The following FHIT variants were observed in gnomAD, a reference collection of about 807,000 sequenced individuals.
FHIT encodes the protein bis(5'-adenosyl)-triphosphatase.
FHIT carries 19 observed loss-of-function variants against 17.9 expected under a neutral mutation model. That is an observed-to-expected ratio of 1.06 (90% CI 0.74 to 1.56). The LOEUF is 1.56. FHIT is among the 40% of genes most tolerant of loss of function. FHIT has a pLI of 0.00. For missense variants in FHIT, 248 were observed against 189.2 expected (o/e 1.31, Z -1.82); for synonymous variants, 81 against 69.7 (o/e 1.16, Z -0.81).
intron 7 of FHIT, among the ~76,000 whole-genome samples, chr3:60,010,304 C>T (rs1700090954): frequency 6.6e-6 from 1 of 152,188 alleles, no homozygotes. Context: ...TCACCATACC[C>T]TGTGTGTAGA....
intron 5 of FHIT, among the ~76,000 whole-genome samples, chr3:60,070,707 G>T (rs902565825): frequency 1.3e-5 from 2 of 152,190 alleles, no homozygotes; most frequent in Non-Finnish European, 2.9e-5. Flanking sequence ...GCGAGGCAGG[G>T]TGCCTCTGTT....
chr3:60,167,822 G>C (rs11916072), intron 5 of FHIT, among the ~76,000 whole-genome samples: 1 of 152,022 alleles, frequency 6.6e-6, no homozygotes. Context: ...GTTGAGCTCA[G>C]GAATTTGAAA....
intron 5 of FHIT, among the ~76,000 whole-genome samples, chr3:60,300,639 G>A (rs1708419879): frequency 6.6e-6 from 1 of 152,048 alleles, no homozygotes; most frequent in South Asian, 2.1e-4. Context: ...TATAAATAAA[G>A]GGCATGTTAT....
intron 8 of FHIT, among the ~76,000 whole-genome samples, chr3:59,920,465 C>T (rs1310110122): frequency 8.5e-5 from 13 of 152,108 alleles, no homozygotes; most frequent in Admixed American, 8.5e-4. Flanking sequence ...CAGACAAGGG[C>T]AAAGGAATAA....
intron 5 of FHIT, among the ~76,000 whole-genome samples, chr3:60,052,313 C>T (rs774814554): frequency 6.6e-6 from 1 of 152,040 alleles, no homozygotes; most frequent in African/African-American, 2.4e-5. Flanking sequence ...CGAGTACACC[C>T]TGAAAAACTA....
At chr3:60,297,214 ACT>A (rs769416138) in intron 5 of FHIT, among the ~76,000 whole-genome samples, 1 of 151,736 alleles carries the variant, frequency 6.6e-6, no homozygotes, top group Non-Finnish European at 1.5e-5. Flanking sequence ...TTATATTAAA[ACT>A]CTGTATCAAC....
chr3:60,765,113 C>T (rs1334382811), intron 4 of FHIT, among the ~76,000 whole-genome samples: 1 of 152,102 alleles, frequency 6.6e-6, no homozygotes, highest in Non-Finnish European at 1.5e-5. Context: ...CTGGGAATGG[C>T]AGTTACCGGG....
At chr3:60,544,622 G>C (rs536878140) in intron 4 of FHIT, among the ~76,000 whole-genome samples, 1 of 112,762 alleles carries the variant, frequency 8.9e-6, no homozygotes, top group Admixed American at 1.2e-4. Context: ...TTTTGAGACA[G>C]AGTCTCACTC....
chr3:60,855,150 T>C (rs1703329986), intron 3 of FHIT, among the ~76,000 whole-genome samples: 1 of 152,142 alleles, frequency 6.6e-6, no homozygotes, highest in Non-Finnish European at 1.5e-5. Flanking sequence ...TTCTCCTTCT[T>C]CTCTGATAAC....
At position 60,850,516 on chromosome 3, in the gene FHIT, T is replaced by A. The variant is rs556053545; in HGVS notation, c.-110-28505A>T. Among the ~76,000 whole-genome samples the A allele has an allele frequency of 5.3e-5, 8 of 152,250 alleles. No individual in the cohort carries two copies. The South Asian group carries it at 8.3e-4, about 16-fold the overall frequency. ...CTTTTATTTTGTTAATAGCTCTCATTGCATCCCATTACTTTCTTCTTTATT... is the reference window on the plus strand; with the variant it reads ...CTTTTATTTTGTTAATAGCTCTCATAGCATCCCATTACTTTCTTCTTTATT... On this transcript the variant is annotated intron_variant, in intron 3 of 9. Coordinates refer to ENST00000492590, the MANE Select transcript of FHIT (RefSeq NM_002012.4).
chr3:60,049,736 TAAA>T (rs1701796921), intron 5 of FHIT, among the ~76,000 whole-genome samples: 1 of 152,192 alleles, frequency 6.6e-6, no homozygotes, highest in Non-Finnish European at 1.5e-5. Context: ...GTGTGGCTAC[TAAA>T]AATCTTTAAA....
At chr3:60,862,453 G>A (rs1177259053) in intron 3 of FHIT, among the ~76,000 whole-genome samples, 1 of 152,054 alleles carries the variant, frequency 6.6e-6, no homozygotes, top group Non-Finnish European at 1.5e-5. Context: ...ACAGTCATGG[G>A]CCATTGCACC....
chr3:59,959,697 C>A (rs1277620642), intron 7 of FHIT, among the ~76,000 whole-genome samples: 1 of 152,178 alleles, frequency 6.6e-6, no homozygotes, highest in Admixed American at 6.5e-5. Context: ...AAGCCCCTGG[C>A]CTCACAGTGT....
chr3:59,809,410 C>A (rs186434435), intron 8 of FHIT, among the ~76,000 whole-genome samples: 1 of 152,350 alleles, frequency 6.6e-6, no homozygotes, highest in East Asian at 1.9e-4. Flanking sequence ...ATTCTGCTGA[C>A]ACTTTAGTTT....
intron 7 of FHIT, among the ~76,000 whole-genome samples, chr3:59,927,347 G>A (rs1223674438): frequency 6.6e-6 from 1 of 151,828 alleles, no homozygotes; most frequent in Non-Finnish European, 1.5e-5. Context: ...ATATGTTCTG[G>A]AATTATATAG....
chr3:60,402,219 C>T (rs761670413), intron 5 of FHIT, among the ~76,000 whole-genome samples: 1 of 152,170 alleles, frequency 6.6e-6, no homozygotes, highest in African/African-American at 2.4e-5. Context: ...TACATCTGGG[C>T]TTGTCACTCA....
At chr3:60,060,930 A>C (rs1702270459) in intron 5 of FHIT, among the ~76,000 whole-genome samples, 1 of 152,214 alleles carries the variant, frequency 6.6e-6, no homozygotes, top group African/African-American at 2.4e-5. Flanking sequence ...AGGTGGGGTA[A>C]ATGTGTGAAG....
intron 4 of FHIT, among the ~76,000 whole-genome samples, chr3:60,680,611 C>A (rs1484179348): frequency 3.4e-5 from 5 of 146,844 alleles, no homozygotes; most frequent in Admixed American, 2.1e-4. Context: ...ATTTATAATA[C>A]CAAACTCTGC....
chr3:60,431,710 C>T (rs1389025713), intron 5 of FHIT, among the ~76,000 whole-genome samples: 1 of 152,032 alleles, frequency 6.6e-6, no homozygotes, highest in Non-Finnish European at 1.5e-5. Flanking sequence ...CACTGACATC[C>T]TGCAACTTGG....
Sources: allele counts gnomAD v4.1 joint callset (sites outside exome capture counted in the v4.1 genomes callset), GRCh38; gene constraint gnomAD v4.1.1; transcripts MANE v1.5; gene names NCBI Gene and HGNC (gene_info 2026-07-23, HGNC 2026-07-21).